Variants in CSMD3 observed in about 807,000 individuals in gnomAD.
CSMD3 encodes CUB and Sushi multiple domains 3, also known as CUB and sushi domain-containing protein 3.
Under a neutral mutation model 435.2 loss-of-function variants are expected in CSMD3, and 177 were observed. That is an observed-to-expected ratio of 0.41 (90% CI 0.36 to 0.46). The LOEUF (loss-of-function observed/expected upper bound fraction) is 0.46. CSMD3 is among the 20% of genes least tolerant of loss of function. The pLI, the probability that CSMD3 is intolerant of heterozygous loss-of-function variation, is 0.34. For synonymous variants in CSMD3, 1,656 were observed against 1,520.5 expected (o/e 1.09, Z -2.07); for missense variants, 4,265 against 4,504.6 (o/e 0.95, Z 1.52).
intron 38 of CSMD3, among the ~76,000 whole-genome samples, chr8:112,353,645 T>C (rs1826337252): frequency 6.6e-6 from 1 of 152,102 alleles, no homozygotes; most frequent in African/African-American, 2.4e-5. Context: ...CCTCCCAAGA[T>C]AGTATCAGTG....
chr8:112,335,194 T>C, intron 45 of CSMD3, 135 bp downstream of exon 45: 1 of 862,226 alleles, frequency 1.2e-6, no homozygotes, highest in Non-Finnish European at 1.9e-6. Context: ...TTTGAAATGC[T>C]AAAGTTACTG....
In CSMD3 at chr8:112,254,300, G is replaced by T. The variant is rs2130258300; in HGVS notation, c.10063C>A (p.Pro3355Thr). Residue 3355 changes from proline (P) to threonine (T), a missense_variant, in exon 63 of 71, where the codon CCA becomes ACA. By Grantham distance (38) the Pro-to-Thr change is conservative. This residue lies in a region of CSMD3 where 3,255 missense variants were observed against 3,380.2 expected (regional missense o/e 0.96). Coordinates refer to ENST00000297405, the MANE Select transcript of CSMD3 (RefSeq NM_198123.2). Reference sequence around the variant, plus strand: ...TGAGATCCATGCCGAGGCACACCTGGGTTTTCACAAGAGGTTTGGGTAGGC... The same window carrying T: ...TGAGATCCATGCCGAGGCACACCTGTGTTTTCACAAGAGGTTTGGGTAGGC... ...IEPTQTSCEN[P>T]GVPRHGSQNN... 1 of 1,612,476 alleles carries T rather than the reference G, an allele frequency of 6.2e-7. No individual in the cohort carries two copies. The highest frequency in any genetic ancestry group is 1.7e-5 in the Admixed American group (1 of 59,938).
intron 3 of CSMD3, among the ~76,000 whole-genome samples, chr8:113,195,182 C>A (rs749005866): frequency 6.7e-6 from 1 of 148,494 alleles, no homozygotes; most frequent in Non-Finnish European, 1.5e-5. Flanking sequence ...ACACTCACTA[C>A]TGAAAACGAT....
chr8:112,258,808 G>A (rs922606558), intron 61 of CSMD3, among the ~76,000 whole-genome samples: 3 of 152,176 alleles, frequency 2.0e-5, no homozygotes, highest in African/African-American at 7.2e-5. Flanking sequence ...GGGAGGCCAA[G>A]GCGGGCGGAT....
At chr8:112,983,559 C>T (rs541627081) in intron 6 of CSMD3, among the ~76,000 whole-genome samples, 49 of 148,656 alleles carry the variant, frequency 3.3e-4, no homozygotes, top group Non-Finnish European at 5.5e-4. Context: ...TGATAGAGGG[C>T]CATACTAGAT....
In CSMD3 at chr8:112,504,013, A is replaced by C. The variant is rs1402230580; in HGVS notation, c.4896-36T>G. The C allele has an allele frequency of 3.0e-6, 4 of 1,331,616 alleles. No homozygotes were observed. The South Asian group carries it at 4.8e-5, about 16-fold the overall frequency. 82.5% of individuals were successfully genotyped at this position (1,331,616 alleles called of 1,614,324 possible). On this transcript the variant is annotated intron_variant, in intron 29 of 70. Transcript: ENST00000297405. The stretch of plus-strand genomic sequence containing the variant: ...AAAGGAAAGAACAAAAGAAAGAAAG[A>C]GAAGTAGGATAATTATTATTAGGCT...
chr8:112,890,749 C>A (rs1181232257), intron 10 of CSMD3, among the ~76,000 whole-genome samples: 1 of 151,630 alleles, frequency 6.6e-6, no homozygotes, highest in Non-Finnish European at 1.5e-5. Context: ...AAAGACAAAA[C>A]CTCAGCCATA....
intron 22 of CSMD3, among the ~76,000 whole-genome samples, chr8:112,599,787 T>C (rs1385007720): frequency 2.1e-5 from 3 of 146,266 alleles, no homozygotes; most frequent in Admixed American, 7.1e-5. Flanking sequence ...CCAAACACCG[T>C]ATATTCTCAC....
chr8:113,299,563 A>G (rs751655961), intron 2 of CSMD3, among the ~76,000 whole-genome samples: 1 of 152,162 alleles, frequency 6.6e-6, no homozygotes, highest in Non-Finnish European at 1.5e-5. Context: ...CCAGAATGTT[A>G]GTGGATGTGG....
At chr8:112,837,332 A>G (rs1443504816) in intron 11 of CSMD3, among the ~76,000 whole-genome samples, 1 of 151,758 alleles carries the variant, frequency 6.6e-6, no homozygotes, top group Non-Finnish European at 1.5e-5. Flanking sequence ...TGTTTAACCA[A>G]ACAAATTAAT....
At chr8:112,429,882 A>AT (rs993084016) in intron 32 of CSMD3, among the ~76,000 whole-genome samples, 9 of 151,864 alleles carry the variant, frequency 5.9e-5, no homozygotes, top group African/African-American at 2.2e-4. Flanking sequence ...ATTATCAGTG[A>AT]TTTTTCAGTA....
chr8:112,488,777 T>C (rs1047607124), intron 31 of CSMD3, among the ~76,000 whole-genome samples: 1 of 152,164 alleles, frequency 6.6e-6, no homozygotes, highest in African/African-American at 2.4e-5. Flanking sequence ...ATTGTGTCTG[T>C]TACATCATCT....
intron 12 of CSMD3, among the ~76,000 whole-genome samples, chr8:112,808,083 T>C (rs2079135544): frequency 1.3e-5 from 2 of 152,190 alleles, no homozygotes. Flanking sequence ...AGAAGAATTA[T>C]TTACAGTCTA....
intron 45 of CSMD3, among the ~76,000 whole-genome samples, chr8:112,324,963 A>G (rs1035400324): frequency 2.0e-5 from 3 of 152,116 alleles, no homozygotes; most frequent in Admixed American, 6.6e-5. Flanking sequence ...GCATTAAATT[A>G]AAAGTCTTGA....
At chr8:113,005,926 A>T (rs1459160767) in intron 6 of CSMD3, among the ~76,000 whole-genome samples, 5 of 151,970 alleles carry the variant, frequency 3.3e-5, no homozygotes, top group Admixed American at 2.0e-4. Context: ...ATCACAAAAA[A>T]TTTTTCCAAA....
intron 13 of CSMD3, among the ~76,000 whole-genome samples, chr8:112,793,814 T>A (rs779772443): frequency 2.0e-5 from 3 of 152,194 alleles, no homozygotes; most frequent in Non-Finnish European, 4.4e-5. Context: ...CACATCCTGT[T>A]TACTCATTCA....
chr8:113,230,618 A>C (rs2132183818), intron 3 of CSMD3, among the ~76,000 whole-genome samples: 1 of 151,712 alleles, frequency 6.6e-6, no homozygotes. Flanking sequence ...AGTTCATTAC[A>C]TATTCTAAAG....
intron 10 of CSMD3, among the ~76,000 whole-genome samples, chr8:112,920,674 T>C (rs1194499870): frequency 6.6e-6 from 1 of 151,898 alleles, no homozygotes; most frequent in Non-Finnish European, 1.5e-5. Flanking sequence ...AATTGACTTA[T>C]AATCAGGTGT....
intron 27 of CSMD3, among the ~76,000 whole-genome samples, chr8:112,524,303 A>C (rs2131030174): frequency 6.6e-6 from 1 of 152,094 alleles, no homozygotes; most frequent in African/African-American, 2.4e-5. Flanking sequence ...TTGAAATAGA[A>C]TTCTAGTATA....
Sources: allele counts gnomAD v4.1 joint callset (sites outside exome capture counted in the v4.1 genomes callset), GRCh38; gene constraint gnomAD v4.1.1; regional missense constraint gnomAD v4.1.1; transcripts MANE v1.5; gene names NCBI Gene and HGNC (gene_info 2026-07-23, HGNC 2026-07-21).